Variants in SYBU observed in about 807,000 individuals in gnomAD.
The protein encoded by SYBU is GOLSYN A protein.
Under a neutral mutation model 35.9 loss-of-function variants are expected in SYBU, and 21 were observed. The observed-to-expected ratio is 0.58, with a 90% CI of 0.41 to 0.84. SYBU has a LOEUF of 0.84. SYBU is among the 40% of genes least tolerant of loss of function. SYBU has a pLI of 0.00. For missense variants in SYBU, 768 were observed against 848.2 expected, an observed-to-expected ratio of 0.91 and a Z score of 1.17; for synonymous variants, 319 against 324.3, an observed-to-expected ratio of 0.98 and a Z score of 0.18.
At chr8:109,605,900 A>T (rs1453804189) in intron 3 of SYBU, among the ~76,000 whole-genome samples, 1 of 152,252 alleles carries the variant, frequency 6.6e-6, no homozygotes, top group Non-Finnish European at 1.5e-5. Flanking sequence ...ATTTGAACCT[A>T]GATTTTAATC....
chr8:109,609,737 C>CT (rs1269951939), intron 3 of SYBU, among the ~76,000 whole-genome samples: 1 of 152,150 alleles, frequency 6.6e-6, no homozygotes, highest in Middle Eastern at 3.2e-3. Flanking sequence ...GAACTCCAGC[C>CT]TGGGGGACAG....
chr8:109,658,756 C>G (rs776896406), intron 1 of SYBU, among the ~76,000 whole-genome samples: 1 of 152,162 alleles, frequency 6.6e-6, no homozygotes, highest in Non-Finnish European at 1.5e-5. Context: ...GAGTTTGAGA[C>G]TAGCTTGACC....
Position 109,575,742 on chromosome 8 carries a change from C to G in SYBU, c.1156G>C (p.Asp386His). Reference protein sequence around the residue: ...MEMAHSGSLRDELCLDFPCDS... With the variant: ...MEMAHSGSLRHELCLDFPCDS... ...CATGGAAAGTCTAGGCACAGTTCGT[C>G]CCTCAGAGAGCCACTGTGTGCCATC... is the stretch of plus-strand genomic sequence containing the variant. Residue 386 changes from aspartate (D) to histidine (H), a missense_variant, in exon 7 of 7, where the codon GAC (aspartate) becomes CAC (histidine). Coordinates refer to ENST00000276646, the MANE Select transcript of SYBU (RefSeq NM_001099754.2). 1 of 1,614,188 alleles carries G rather than the reference C, an allele frequency of 6.2e-7. No homozygotes were observed. The highest frequency in any genetic ancestry group is 8.5e-7 in the Non-Finnish European group (1 of 1,180,028).
chr8:109,602,473 G>A (rs914094354), intron 3 of SYBU, among the ~76,000 whole-genome samples: 4 of 135,422 alleles, frequency 3.0e-5, no homozygotes, highest in Admixed American at 8.6e-5. Context: ...CACTCCCATC[G>A]TCCAGGCTGG....
upstream of SYBU, among the ~76,000 whole-genome samples, chr8:109,685,599 A>G (rs1185709674): frequency 1.3e-5 from 2 of 152,256 alleles, no homozygotes; most frequent in Non-Finnish European, 2.9e-5. Context: ...ATGCAAATGC[A>G]GTAATTATTA....
rs571234903 is a variant in SYBU at position 109,604,259 on chromosome 8, G to A, written c.427+14583C>T. The stretch of plus-strand genomic sequence containing the variant: ...CATACATAGTATTTAAGTTAACAAC[G>A]ATTGCATGTGAAGTTCAAATCCCTA... On this transcript the variant is annotated intron_variant, in intron 3 of 6. Coordinates refer to ENST00000276646, the MANE Select transcript of SYBU (RefSeq NM_001099754.2). 2.6e-4 allele frequency among the ~76,000 whole-genome samples: 39 copies of A among 152,118 alleles called. 1 individual carries two copies. In the South Asian group the frequency reaches 8.1e-3, roughly 32 times the overall value.
At position 109,586,092 on chromosome 8, in the gene SYBU, A is replaced by C. The variant is rs1823585464; in HGVS notation, c.498T>G (p.Thr166=). 6.2e-7 allele frequency: 1 copy of C among 1,612,074 alleles called. No individual in the cohort carries two copies. Among genetic ancestry groups the C allele is most frequent in the Non-Finnish European group, 8.5e-7 (1 of 1,179,344 alleles). The stretch of plus-strand genomic sequence containing the variant: ...AAGAAGAAGACCGCTTGCTTCCCGC[A>C]GTCGACATATGGACCTCAGGAGCGG... ...SISAPEVHMS[T]AGSKRSSSSR... Residue 166 remains threonine (T), a synonymous_variant, in exon 4 of 7, where the codon ACT becomes ACG. Transcript: ENST00000276646.
At chr8:109,591,759 G>A (rs919376745) in intron 3 of SYBU, among the ~76,000 whole-genome samples, 9 of 151,694 alleles carry the variant, frequency 5.9e-5, no homozygotes, top group Non-Finnish European at 1.2e-4. Context: ...TGATCCGCCC[G>A]CCTCGGCCTC....
At chr8:109,583,052 AAT>A (rs1823219752) in intron 4 of SYBU, among the ~76,000 whole-genome samples, 1 of 152,146 alleles carries the variant, frequency 6.6e-6, no homozygotes. Context: ...CTAGCAGACT[AAT>A]ATAATCACTA....
chr8:109,597,056 TC>T (rs1554614536), intron 3 of SYBU, among the ~76,000 whole-genome samples: 1 of 152,194 alleles, frequency 6.6e-6, no homozygotes, highest in Non-Finnish European at 1.5e-5. Flanking sequence ...TGACCCATTG[TC>T]TCATGGTAGC....
At chr8:109,676,055 C>T (rs1385609107) in intron 1 of SYBU, among the ~76,000 whole-genome samples, 1 of 152,254 alleles carries the variant, frequency 6.6e-6, no homozygotes, top group East Asian at 1.9e-4. Context: ...ATTATCTCAA[C>T]AGATGCAGAA....
At position 109,655,545 on chromosome 8, in the gene SYBU, T is replaced by A. The variant is rs1419108422; in HGVS notation, c.-129+25166A>T. Among the ~76,000 whole-genome samples the A allele has an allele frequency of 7.2e-5, 11 of 152,184 alleles. No homozygotes were observed. In the East Asian group the frequency reaches 2.1e-3, roughly 29 times the overall value. ...ATTTCATCCTATGTATTATAAAATA[T>A]TAATCTTAGCTTCATTATTTTAGTG... On this transcript the variant is annotated intron_variant, in intron 1 of 5. Transcript: ENST00000408889.
Position 109,584,526 on chromosome 8 carries a change from C to T in SYBU, c.530+1534G>A, listed in dbSNP as rs957127948. Among the ~76,000 whole-genome samples the T allele has an allele frequency of 5.3e-5, 8 of 152,042 alleles. No homozygotes were observed. Among genetic ancestry groups the T allele is most frequent in the African/African-American group, 1.9e-4 (8 of 41,392 alleles). ...TAAATGGTTTATTCTTAGAGCAAGCCACATCTGATTTACACAGAATGTTTA... is the reference window on the plus strand; with the variant it reads ...TAAATGGTTTATTCTTAGAGCAAGCTACATCTGATTTACACAGAATGTTTA... On this transcript the variant is annotated intron_variant, in intron 4 of 6. Transcript: ENST00000276646. The surrounding 1 kb of genome is among the most constrained non-coding windows in gnomAD (Gnocchi z 4.0).
At chr8:109,615,233 A>T (rs1051249658) in intron 3 of SYBU, among the ~76,000 whole-genome samples, 1 of 152,202 alleles carries the variant, frequency 6.6e-6, no homozygotes, top group African/African-American at 2.4e-5. Context: ...TGGTATTGTT[A>T]TTAATGAGTT....
chr8:109,668,014 T>C (rs867779758), intron 1 of SYBU, among the ~76,000 whole-genome samples: 5 of 152,044 alleles, frequency 3.3e-5, no homozygotes, highest in Middle Eastern at 3.2e-3. Flanking sequence ...AAGCTTGTAA[T>C]TACAGGAGGC....
chr8:109,646,461 C>G (rs1359044876), upstream of SYBU: 1 of 152,164 alleles, frequency 6.6e-6, no homozygotes, highest in South Asian at 2.1e-4. Flanking sequence ...AATCTTCATG[C>G]CTTTTCAATC....
chr8:109,641,587 A>G (rs933707668), intron 2 of SYBU, among the ~76,000 whole-genome samples: 2 of 152,214 alleles, frequency 1.3e-5, no homozygotes, highest in Admixed American at 6.5e-5. Context: ...TCCCTACTAA[A>G]CCATAAGGCC....
chr8:109,682,310 A>G (rs555581236), upstream of SYBU, among the ~76,000 whole-genome samples: 1 of 152,324 alleles, frequency 6.6e-6, no homozygotes, highest in Non-Finnish European at 1.5e-5. Flanking sequence ...AGATGTGGGA[A>G]AGTTTGCAAC....
upstream of SYBU, chr8:109,645,534 GA>G: frequency 3.0e-6 from 1 of 330,078 alleles, no homozygotes; most frequent in South Asian, 2.4e-5. Context: ...AAGAGCACTG[GA>G]ATTGAACTCA....
Sources: allele counts gnomAD v4.1 joint callset (sites outside exome capture counted in the v4.1 genomes callset), GRCh38; gene constraint gnomAD v4.1.1; non-coding constraint Gnocchi (gnomAD v3.1); transcripts MANE v1.5; gene names NCBI Gene and HGNC (gene_info 2026-07-23, HGNC 2026-07-21).